DRC7: variants seen among roughly 807,000 people sequenced by gnomAD.
The protein encoded by DRC7 is dynein regulatory complex subunit 7, also known as coiled-coil domain containing 135.
In DRC7, 80 loss-of-function variants were observed where a neutral mutation model predicts 104.4. The ratio of observed to expected loss-of-function variants is 0.77; its 90% CI spans 0.64 to 0.92. The LOEUF (loss-of-function observed/expected upper bound fraction) is 0.92, where lower values mean the gene tolerates loss of function less well. DRC7 is among the 40% of genes least tolerant of loss of function. DRC7 has a pLI of 0.00. For synonymous variants in DRC7, 405 were observed against 447.3 expected, an observed-to-expected ratio of 0.91 and a Z score of 1.19; for missense variants, 1,034 against 1,141.1, an observed-to-expected ratio of 0.91 and a Z score of 1.35.
At chr16:57,727,611 C>G (rs2048987911) in intron 16 of DRC7, among the ~76,000 whole-genome samples, 1 of 152,228 alleles carries the variant, frequency 6.6e-6, no homozygotes, top group Non-Finnish European at 1.5e-5. Context: ...AGGTTTCCCC[C>G]CATCCCCAGG....
At chr16:57,706,424 A>C (rs2048728368) in intron 7 of DRC7, among the ~76,000 whole-genome samples, 1 of 119,398 alleles carries the variant, frequency 8.4e-6, no homozygotes, top group African/African-American at 3.3e-5. Context: ...TGTCCCACTC[A>C]TCCTCCCATC....
rs977199390 is a variant in DRC7 at position 57,697,860 on chromosome 16, G to T, written c.-37-53G>T. The T allele has an allele frequency of 3.3e-6, 5 of 1,530,724 alleles. No homozygotes were observed. In the East Asian group the frequency reaches 1.1e-4, roughly 35 times the overall value. 94.8% of individuals were successfully genotyped at this position (1,530,724 alleles called of 1,614,324 possible). On this transcript the variant is annotated intron_variant, in intron 2 of 18. Coordinates refer to ENST00000360716, the MANE Select transcript of DRC7 (RefSeq NM_001289162.2). The stretch of plus-strand genomic sequence containing the variant: ...CGGGGATGCCCAGATGGTGTTGGTG[G>T]CTCCTGCCTGGGCTGACAGTCGGCC...
At chr16:57,706,754 G>A (rs1164605873) in intron 7 of DRC7, among the ~76,000 whole-genome samples, 1 of 106,634 alleles carries the variant, frequency 9.4e-6, no homozygotes, top group Non-Finnish European at 1.9e-5. Flanking sequence ...CCTACCCACT[G>A]TTCTCCCATC....
chr16:57,710,766 G>A (rs866366855), intron 8 of DRC7, among the ~76,000 whole-genome samples: 1 of 151,994 alleles, frequency 6.6e-6, no homozygotes, highest in African/African-American at 2.4e-5. Flanking sequence ...TTCTTTTTTA[G>A]TTTATCTACA....
chr16:57,724,801 T>C lies in DRC7; in HGVS notation c.1724T>C (p.Leu575Pro). Residue 575 changes from leucine (L) to proline (P), a missense_variant, in exon 13 of 19, where the codon CTG becomes CCG. By Grantham distance (98) the Leu-to-Pro change is moderately conservative. Transcript: ENST00000360716. Reference protein sequence around the residue: ...SFGPRVKKLTLSSAESNPRPI... With the variant: ...SFGPRVKKLTPSSAESNPRPI... Reference sequence around the variant, plus strand: ...GGACCCCGAGTCAAGAAGCTCACTCTGAGCAGTGCAGAGTCAAACCCCCGG... The same window carrying C: ...GGACCCCGAGTCAAGAAGCTCACTCCGAGCAGTGCAGAGTCAAACCCCCGG... The C allele has an allele frequency of 6.2e-7, 1 of 1,613,670 alleles. No individual in the cohort carries two copies. The highest frequency in any genetic ancestry group is 8.5e-7 in the Non-Finnish European group (1 of 1,179,960).
chr16:57,724,985 G>C (rs1332798550), intron 13 of DRC7, 150 bp downstream of exon 13: 1 of 624,200 alleles, frequency 1.6e-6, no homozygotes, highest in Admixed American at 2.7e-5. Flanking sequence ...TTTACCAAAT[G>C]TATTAGTCTG....
intron 8 of DRC7, chr16:57,707,960 G>A (rs1173368314): frequency 4.2e-6 from 2 of 474,434 alleles, no homozygotes; most frequent in East Asian, 4.2e-5. Flanking sequence ...ATGCAGAAAA[G>A]TACACTCATC....
At chr16:57,703,572 C>T (rs1196312707) in intron 6 of DRC7, among the ~76,000 whole-genome samples, 1 of 152,058 alleles carries the variant, frequency 6.6e-6, no homozygotes, top group Admixed American at 6.5e-5. Flanking sequence ...GGGAGAAGGG[C>T]GAGACAGAAG....
chr16:57,731,790 A>G lies in DRC7; in HGVS notation c.*532A>G, dbSNP rs2049064431. 6.5e-6 allele frequency: 1 copy of G among 154,524 alleles called. No homozygotes were observed. Among genetic ancestry groups the G allele is most frequent in the Admixed American group, 6.5e-5 (1 of 15,486 alleles). 9.6% of individuals were successfully genotyped at this position (154,524 alleles called of 1,614,324 possible). A position where few individuals can be genotyped will look rare whatever the true frequency, so the allele number is the denominator to read the frequency against. On this transcript the variant is annotated 3_prime_UTR_variant, in exon 19 of 19. Coordinates refer to ENST00000360716, the MANE Select transcript of DRC7 (RefSeq NM_001289162.2). ...GAATGGGGTAGCATTGTTGCATTAA[A>G]TAAGACTTATGGCCAGGTGTGGTGG...
chr16:57,728,199 A>T (rs2048993907), intron 16 of DRC7, among the ~76,000 whole-genome samples, 191 bp from the exon 17 acceptor site: 1 of 152,220 alleles, frequency 6.6e-6, no homozygotes, highest in South Asian at 2.1e-4. Flanking sequence ...AGAAAAAAAG[A>T]GTTGGCTGTC....
chr16:57,705,343 A>G (rs2048701191), intron 7 of DRC7, among the ~76,000 whole-genome samples: 1 of 151,536 alleles, frequency 6.6e-6, no homozygotes. Flanking sequence ...CCTCCCATCC[A>G]TTCATCCTCC....
Position 57,726,294 on chromosome 16 carries a change from G to T in DRC7, c.1974+11G>T. The T allele has an allele frequency of 6.2e-7, 1 of 1,603,052 alleles. No homozygotes were observed. The highest frequency in any genetic ancestry group is 8.5e-7 in the Non-Finnish European group (1 of 1,171,808). ...TGCATCAGCTTCGAGGTGGGCCTGG[G>T]GGCCACGGCGGGCAGGGGTCGGCTG... On this transcript the variant is annotated intron_variant, in intron 14 of 18. Coordinates refer to ENST00000360716, the MANE Select transcript of DRC7 (RefSeq NM_001289162.2).
In DRC7 at chr16:57,726,838, C is replaced by T; in HGVS notation, c.1981C>T (p.Pro661Ser). The T allele has an allele frequency of 6.2e-7, 1 of 1,609,348 alleles. No individual in the cohort carries two copies. The highest frequency in any genetic ancestry group is 8.5e-7 in the Non-Finnish European group (1 of 1,176,942). The part of the protein sequence containing the change: ...PDMCISFEVE[P>S]MEHTKKLLYQ... Reference sequence around the variant, plus strand: ...AAGGTGGTTGTTGTCCCAGGTGGAGCCCATGGAGCACACCAAGAAGCTGCT... The same window carrying T: ...AAGGTGGTTGTTGTCCCAGGTGGAGTCCATGGAGCACACCAAGAAGCTGCT... The change falls in exon 15 of 19, where the codon CCC becomes TCC. Residue 661 changes from proline to serine, a missense_variant. By Grantham distance (74) the Pro-to-Ser change is moderately conservative (BLOSUM62 -1). Transcript: ENST00000360716.
intron 2 of DRC7, among the ~76,000 whole-genome samples, chr16:57,696,795 T>G (rs2048597329): frequency 6.6e-6 from 1 of 152,216 alleles, no homozygotes. Context: ...GCACCTTCAC[T>G]CTCTGTGCCT....
chr16:57,730,371 G>T (rs2049047671), intron 17 of DRC7, among the ~76,000 whole-genome samples: 1 of 151,534 alleles, frequency 6.6e-6, no homozygotes, highest in Non-Finnish European at 1.5e-5. Flanking sequence ...GTGGATAGAT[G>T]GACGGTTGGA....
At chr16:57,706,234 ACCCACCC>A (rs2048724445) in intron 7 of DRC7, among the ~76,000 whole-genome samples, 2 of 36,630 alleles carry the variant, frequency 5.5e-5, no homozygotes. Flanking sequence ...CCATCCTCCC[ACCCACCC>A]TCCCATCCGT....
At chr16:57,699,339 T>C (rs2048633082) in intron 4 of DRC7, among the ~76,000 whole-genome samples, 1 of 151,890 alleles carries the variant, frequency 6.6e-6, no homozygotes, top group Admixed American at 6.6e-5. Context: ...TGTGTGGGAG[T>C]CTCTGGTTTT....
At chr16:57,704,736 A>T in intron 6 of DRC7, 140 bp from the exon 7 acceptor site, 1 of 844,618 alleles carries the variant, frequency 1.2e-6, no homozygotes, top group Admixed American at 2.9e-5. Flanking sequence ...CTGCATTTAG[A>T]GCCAGAAAGG....
In DRC7 at chr16:57,731,287, GC is replaced by G; in HGVS notation, c.*31del. On this transcript the variant is annotated 3_prime_UTR_variant, in exon 19 of 19. Transcript: ENST00000360716. ...CCCTCCTGGGGCCTCAGCCAGAGCT[GC>G]CAGAGAAAGGAAACCTCTTCCCGCA... 1 of 1,575,982 alleles carries G rather than the reference GC, an allele frequency of 6.3e-7. No homozygotes were observed. Among genetic ancestry groups the G allele is most frequent in the Non-Finnish European group, 8.7e-7 (1 of 1,146,738 alleles).
Sources: gnomAD v4.1 joint callset for allele counts (sites outside exome capture counted in the v4.1 genomes callset) on GRCh38, gnomAD v4.1.1 for gene constraint, MANE v1.5 for transcripts, NCBI Gene and HGNC (gene_info 2026-07-23, HGNC 2026-07-21) for gene names.